Variants in RALGPS1 observed in about 807,000 individuals in gnomAD.
RALGPS1 encodes ras-specific guanine nucleotide-releasing factor RalGPS1.
Under a neutral mutation model 78.8 loss-of-function variants are expected in RALGPS1, and 19 were observed. The ratio of observed to expected loss-of-function variants is 0.24; its 90% confidence interval spans 0.17 to 0.35. The LOEUF (loss-of-function observed/expected upper bound fraction) is 0.35. RALGPS1 is among the 10% of genes least tolerant of loss of function. The pLI is 1.00. For synonymous variants in RALGPS1, 228 were observed against 256.3 expected (o/e 0.89, Z 1.06); for missense variants, 454 against 688.3 (o/e 0.66, Z 3.81).
chr9:127,018,322 A>C (rs1317487633), intron 4 of RALGPS1, among the ~76,000 whole-genome samples: 19 of 151,768 alleles, frequency 1.3e-4, no homozygotes, highest in Non-Finnish European at 2.6e-4. Flanking sequence ...AAAAAAAAAA[A>C]ACAGTAGAAG....
At chr9:127,030,905 A>G (rs567587119) in intron 4 of RALGPS1, among the ~76,000 whole-genome samples, 15 of 152,272 alleles carry the variant, frequency 9.9e-5, no homozygotes, top group Admixed American at 7.8e-4. Context: ...TTTTTCCCTG[A>G]TGAGCCTGAG....
Position 127,218,089 on chromosome 9 carries a change from A to C in RALGPS1, c.1645-651A>C, listed in dbSNP as rs1353961365. 6.6e-6 allele frequency among the ~76,000 whole-genome samples: 1 copy of C among 152,098 alleles called. No homozygotes were observed. The highest frequency in any genetic ancestry group is 2.4e-5 in the African/African-American group (1 of 41,404). On this transcript the variant is annotated intron_variant, in intron 18 of 18. Coordinates refer to ENST00000259351, the MANE Select transcript of RALGPS1 (RefSeq NM_014636.3). This position sits in a 1 kb window ranked among gnomAD's most constrained non-coding sequence, Gnocchi z 4.4. ...GATTTTTTTAAATGAAATTATTTCT[A>C]ATCAAATCCTCCCACAGCAGTGCTG...
At chr9:127,114,515 G>A (rs916943194) in intron 8 of RALGPS1, among the ~76,000 whole-genome samples, 13 of 152,238 alleles carry the variant, frequency 8.5e-5, no homozygotes, top group Non-Finnish European at 1.6e-4. Context: ...TGCTCTTGCC[G>A]TCATTAGGCC....
At chr9:127,028,821 C>A (rs879035954) in intron 4 of RALGPS1, among the ~76,000 whole-genome samples, 2 of 152,152 alleles carry the variant, frequency 1.3e-5, no homozygotes, top group African/African-American at 4.8e-5. Flanking sequence ...GAAAGTCAGG[C>A]ACTGAGAGTT....
chr9:127,151,726 C>G (rs2058434275), intron 8 of RALGPS1, among the ~76,000 whole-genome samples: 1 of 151,812 alleles, frequency 6.6e-6, no homozygotes, highest in Non-Finnish European at 1.5e-5. Context: ...GATTTCTTTC[C>G]TGGAACCTAA....
intron 7 of RALGPS1, among the ~76,000 whole-genome samples, chr9:127,058,254 T>G (rs1174235747): frequency 6.6e-6 from 1 of 152,232 alleles, no homozygotes; most frequent in East Asian, 1.9e-4. Context: ...CATGTAGGGC[T>G]CAAAGCCTGA....
chr9:127,164,123 T>A (rs1019571630), intron 8 of RALGPS1, among the ~76,000 whole-genome samples: 7 of 152,210 alleles, frequency 4.6e-5, no homozygotes, highest in Non-Finnish European at 8.8e-5. Context: ...TGAAAGTAGA[T>A]AATATAGCAT....
intron 18 of RALGPS1, among the ~76,000 whole-genome samples, chr9:127,216,648 G>A (rs900841640): frequency 6.6e-6 from 1 of 152,214 alleles, no homozygotes; most frequent in Non-Finnish European, 1.5e-5. Context: ...TGTATAGTTT[G>A]TACACTGAAT....
chr9:127,198,765 G>A (rs1420838567), intron 13 of RALGPS1, among the ~76,000 whole-genome samples: 1 of 152,160 alleles, frequency 6.6e-6, no homozygotes, highest in Non-Finnish European at 1.5e-5. Context: ...CGGGCCAGTG[G>A]GCAGTTAGCT....
Position 126,962,376 on chromosome 9 carries a change from G to C in RALGPS1, c.57+30G>C. The C allele has an allele frequency of 1.9e-6, 3 of 1,611,848 alleles. No homozygotes were observed. The South Asian group carries it at 3.3e-5, about 18-fold the overall frequency. ...TGAGGCTGCAAGAATCGGGACAGTG[G>C]GTAGAGGGGTCTCCTTTCAGCTAAC... On this transcript the variant is annotated intron_variant, in intron 2 of 18. Coordinates refer to ENST00000259351, the MANE Select transcript of RALGPS1 (RefSeq NM_014636.3).
chr9:127,057,562 A>G (rs764293291), intron 7 of RALGPS1, among the ~76,000 whole-genome samples: 1 of 152,216 alleles, frequency 6.6e-6, no homozygotes, highest in Non-Finnish European at 1.5e-5. Context: ...ATCTGCATAC[A>G]CAAACAGGAA....
At chr9:127,068,986 C>T (rs1276673664) in intron 7 of RALGPS1, among the ~76,000 whole-genome samples, 2 of 152,202 alleles carry the variant, frequency 1.3e-5, no homozygotes, top group East Asian at 3.9e-4. Flanking sequence ...AAAGCTGCTT[C>T]TGCCTCGTCC....
chr9:127,216,505 T>C (rs1321741776), intron 18 of RALGPS1, among the ~76,000 whole-genome samples: 1 of 152,212 alleles, frequency 6.6e-6, no homozygotes, highest in Non-Finnish European at 1.5e-5. Flanking sequence ...GGGGACCCTA[T>C]TGTGTGACAC....
chr9:127,067,123 A>G (rs2049783595), intron 7 of RALGPS1, among the ~76,000 whole-genome samples: 1 of 152,154 alleles, frequency 6.6e-6, no homozygotes, highest in Admixed American at 6.5e-5. Flanking sequence ...CATTTTTACC[A>G]CTGGGCTTTG....
chr9:127,204,692 T>C (rs1323854916), intron 14 of RALGPS1, among the ~76,000 whole-genome samples: 1 of 151,768 alleles, frequency 6.6e-6, no homozygotes. Context: ...GTTCAGGGAG[T>C]TGGGTGATGC....
intron 4 of RALGPS1, among the ~76,000 whole-genome samples, chr9:127,007,376 C>T (rs1419837605): frequency 1.3e-5 from 2 of 152,164 alleles, no homozygotes; most frequent in Non-Finnish European, 2.9e-5. Flanking sequence ...CATAGATGCA[C>T]ATATTAGATT....
At chr9:127,165,355 G>A (rs1332812090) in intron 8 of RALGPS1, among the ~76,000 whole-genome samples, 3 of 152,006 alleles carry the variant, frequency 2.0e-5, no homozygotes, top group Non-Finnish European at 2.9e-5. Context: ...CCCTTCCCCA[G>A]CCAGGCAGTT....
At chr9:127,199,767 C>T (rs2061531737) in intron 14 of RALGPS1, among the ~76,000 whole-genome samples, 1 of 152,240 alleles carries the variant, frequency 6.6e-6, no homozygotes, top group South Asian at 2.1e-4. Flanking sequence ...GGTACCCCCA[C>T]AGCCATGGCA....
intron 10 of RALGPS1, among the ~76,000 whole-genome samples, chr9:127,174,168 G>A (rs2059711720): frequency 6.6e-6 from 1 of 151,560 alleles, no homozygotes; most frequent in Non-Finnish European, 1.5e-5. Flanking sequence ...GGAGGCTGAG[G>A]CAGGAGAATC....
Sources: gnomAD v4.1 joint callset for allele counts (sites outside exome capture counted in the v4.1 genomes callset) on GRCh38, gnomAD v4.1.1 for gene constraint, Gnocchi (gnomAD v3.1) non-coding constraint, MANE v1.5 for transcripts, NCBI Gene and HGNC (gene_info 2026-07-23, HGNC 2026-07-21) for gene names.